UNC5D: variants seen among roughly 807,000 people sequenced by gnomAD.
The protein encoded by UNC5D is netrin receptor UNC5D.
UNC5D carries 39 observed loss-of-function variants against 105.4 expected under a neutral mutation model. That is an observed-to-expected ratio of 0.37 (90% CI 0.29 to 0.48). The LOEUF (loss-of-function observed/expected upper bound fraction) is 0.48, where lower values mean the gene tolerates loss of function less well. UNC5D is among the 20% of genes least tolerant of loss of function. The probability of loss-of-function intolerance (pLI) is 0.98; values close to 1 mark genes in which losing one functional copy is unlikely to be tolerated. For synonymous variants in UNC5D, 452 were observed against 450.4 expected, an observed-to-expected ratio of 1.00 and a Z score of -0.04; for missense variants, 991 against 1,202.4, an observed-to-expected ratio of 0.82 and a Z score of 2.60.
At chr8:35,767,177 A>G in intron 15 of UNC5D, 111 bp downstream of exon 15, 2 of 1,274,414 alleles carry the variant, frequency 1.6e-6, no homozygotes, top group Non-Finnish European at 2.1e-6. Context: ...TTCAAAATGC[A>G]CAAACTCTTC....
At chr8:35,715,501 CTGAT>C (rs745664542) in intron 8 of UNC5D, among the ~76,000 whole-genome samples, 292 of 152,048 alleles carry the variant, frequency 1.9e-3, no homozygotes, top group Non-Finnish European at 3.5e-3. Flanking sequence ...ACAGTGTTAA[CTGAT>C]TGGGGAGATT....
chr8:35,424,581 C>T (rs1398733674), intron 1 of UNC5D, among the ~76,000 whole-genome samples: 1 of 152,090 alleles, frequency 6.6e-6, no homozygotes, highest in Non-Finnish European at 1.5e-5. Flanking sequence ...AACAAGATTC[C>T]CTAGACCCCA....
chr8:35,657,078 G>GTATATA (rs1823800749), intron 4 of UNC5D, among the ~76,000 whole-genome samples: 15 of 80,566 alleles, frequency 1.9e-4, no homozygotes, highest in African/African-American at 2.9e-4. Context: ...GTGTGTGTGT[G>GTATATA]TGTATATATA....
At chr8:35,648,524 CA>C (rs575538769) in intron 4 of UNC5D, among the ~76,000 whole-genome samples, 105 of 151,850 alleles carry the variant, frequency 6.9e-4, no homozygotes, top group South Asian at 1.9e-3. Context: ...ACTAAAAATA[CA>C]AAAATTAGCC....
chr8:35,410,344 C>T (rs565978310), intron 1 of UNC5D, among the ~76,000 whole-genome samples: 2 of 151,896 alleles, frequency 1.3e-5, no homozygotes, highest in African/African-American at 4.8e-5. Context: ...TGGGATTTGC[C>T]GTAATGGTTA....
intron 1 of UNC5D, among the ~76,000 whole-genome samples, chr8:35,347,465 C>T (rs1811888247): frequency 6.6e-6 from 1 of 151,956 alleles, no homozygotes; most frequent in African/African-American, 2.4e-5. Context: ...AGCATGGATT[C>T]TTTGGGATGA....
chr8:35,788,946 G>T (rs1283505798), intron 16 of UNC5D, among the ~76,000 whole-genome samples: 1 of 151,236 alleles, frequency 6.6e-6, no homozygotes, highest in Non-Finnish European at 1.5e-5. Flanking sequence ...GCCCCTTGTA[G>T]TAGAGAGGTA....
intron 4 of UNC5D, among the ~76,000 whole-genome samples, chr8:35,623,245 A>G (rs1052628868): frequency 3.3e-5 from 5 of 152,234 alleles, no homozygotes; most frequent in African/African-American, 9.6e-5. Context: ...GACTTGGTCA[A>G]TACATCCGGT....
chr8:35,565,433 T>C (rs1586144755), intron 2 of UNC5D, among the ~76,000 whole-genome samples: 1 of 152,156 alleles, frequency 6.6e-6, no homozygotes, highest in African/African-American at 2.4e-5. Flanking sequence ...GTGGGATTAT[T>C]TGTCTTTTCT....
intron 1 of UNC5D, among the ~76,000 whole-genome samples, chr8:35,474,002 A>G (rs1809913865): frequency 6.6e-6 from 1 of 152,160 alleles, no homozygotes; most frequent in Non-Finnish European, 1.5e-5. Flanking sequence ...GAATAACAGC[A>G]TTAATCTGTT....
At chr8:35,500,194 T>A (rs1202869655) in intron 1 of UNC5D, among the ~76,000 whole-genome samples, 1 of 152,196 alleles carries the variant, frequency 6.6e-6, no homozygotes, top group Non-Finnish European at 1.5e-5. Context: ...ATTTATTTCT[T>A]ATAGTTCTGG....
At chr8:35,493,447 A>T (rs1049084184) in intron 1 of UNC5D, among the ~76,000 whole-genome samples, 1 of 152,134 alleles carries the variant, frequency 6.6e-6, no homozygotes, top group African/African-American at 2.4e-5. Context: ...TGTTGTGTCA[A>T]AGTGGGTCTG....
intron 4 of UNC5D, among the ~76,000 whole-genome samples, chr8:35,613,982 G>T (rs1820857896): frequency 6.6e-6 from 1 of 152,242 alleles, no homozygotes; most frequent in South Asian, 2.1e-4. Context: ...CTGTGTGTGG[G>T]GTGTTAATCT....
intron 4 of UNC5D, among the ~76,000 whole-genome samples, chr8:35,626,333 C>G (rs946292523): frequency 6.6e-6 from 1 of 151,380 alleles, no homozygotes; most frequent in East Asian, 1.9e-4. Flanking sequence ...ATAAAAATAT[C>G]TATATGTATT....
intron 3 of UNC5D, among the ~76,000 whole-genome samples, chr8:35,591,215 A>T (rs1408162926): frequency 4.6e-5 from 7 of 151,982 alleles, no homozygotes; most frequent in Non-Finnish European, 1.0e-4. Flanking sequence ...ATGAATACTA[A>T]CTTGTTTGCA....
intron 13 of UNC5D, among the ~76,000 whole-genome samples, chr8:35,754,487 C>A (rs2131659659): frequency 6.6e-6 from 1 of 152,314 alleles, no homozygotes; most frequent in East Asian, 1.9e-4. Flanking sequence ...GGGGTTGCAT[C>A]TTTCACTTCA....
intron 1 of UNC5D, among the ~76,000 whole-genome samples, chr8:35,423,398 G>A (rs1806038969): frequency 6.6e-6 from 1 of 152,114 alleles, no homozygotes; most frequent in African/African-American, 2.4e-5. Flanking sequence ...TTCCTGCCAA[G>A]TCAGCTGCTC....
At position 35,413,364 on chromosome 8, in the gene UNC5D, G is replaced by T. The variant is rs1381303014; in HGVS notation, c.104-135928G>T. Reference sequence around the variant, plus strand: ...TTGGAGATGGACATCTGGAGATTAGGGTTTTTACAGACTTTGAAAAAAAAA... The same window carrying T: ...TTGGAGATGGACATCTGGAGATTAGTGTTTTTACAGACTTTGAAAAAAAAA... On this transcript the variant is annotated intron_variant, in intron 1 of 16. Coordinates refer to ENST00000404895, the MANE Select transcript of UNC5D (RefSeq NM_080872.4). Among the ~76,000 whole-genome samples, 7 of 148,378 alleles carry T rather than the reference G, an allele frequency of 4.7e-5. No individual in the cohort carries two copies. In the Admixed American group the frequency reaches 4.7e-4, roughly 10 times the overall value.
chr8:35,340,582 T>G (rs1227847470), intron 1 of UNC5D, among the ~76,000 whole-genome samples: 2 of 152,114 alleles, frequency 1.3e-5, no homozygotes, highest in Non-Finnish European at 2.9e-5. Flanking sequence ...AAATCATCTC[T>G]CCTTTGTCTC....
Sources: gnomAD v4.1 joint callset for allele counts (sites outside exome capture counted in the v4.1 genomes callset) on GRCh38, gnomAD v4.1.1 for gene constraint, MANE v1.5 for transcripts, NCBI Gene and HGNC (gene_info 2026-07-23, HGNC 2026-07-21) for gene names.